The following NIPAL3 variants were observed in gnomAD, a reference collection of about 807,000 sequenced individuals.
NIPAL3 encodes NIPA-like protein 3.
A neutral mutation model predicts 47.2 loss-of-function variants in NIPAL3; 41 were observed. The ratio of observed to expected loss-of-function variants is 0.87; its 90% CI spans 0.68 to 1.13. NIPAL3 has a LOEUF of 1.13. NIPAL3 is among the 50% of genes most tolerant of loss of function. The pLI, the probability that NIPAL3 is intolerant of heterozygous loss-of-function variation, is 0.00. For synonymous variants in NIPAL3, 194 were observed against 209.6 expected, an observed-to-expected ratio of 0.93 and a Z score of 0.64; for missense variants, 449 against 530.1, an observed-to-expected ratio of 0.85 and a Z score of 1.50.
rs774216768 is a variant in NIPAL3, at chr1:24,472,685, T to A, written c.*3500T>A. The A allele has an allele frequency of 6.6e-6, 1 of 152,146 alleles. No homozygotes were observed. The highest frequency in any genetic ancestry group is 1.5e-5 in the Non-Finnish European group (1 of 68,016). The allele number at this position is 152,146 out of a possible 1,614,324, so 9.4% of individuals were successfully genotyped here. A position where few individuals can be genotyped will look rare whatever the true frequency, so the allele number is the denominator to read the frequency against. On this transcript the variant is annotated 3_prime_UTR_variant, in exon 12 of 12. Coordinates refer to ENST00000374399, the MANE Select transcript of NIPAL3 (RefSeq NM_020448.5). The stretch of plus-strand genomic sequence containing the variant: ...GCTTTTCTAGTGGAAACCAGCCAGT[T>A]TGACGGCACGGTGCGGATACAGGAC...
In NIPAL3 at chr1:24,445,288, G is replaced by A. The variant is rs377434875; in HGVS notation, c.394+44G>A. On this transcript the variant is annotated intron_variant, in intron 5 of 11. Coordinates refer to ENST00000374399, the MANE Select transcript of NIPAL3 (RefSeq NM_020448.5). ...GCTGTGTCCTTGATTTTATATGAAC[G>A]CTTTTTATTAATTGTAAAACCAGTT... 2.9e-5 allele frequency: 39 copies of A among 1,351,478 alleles called. 1 individual carries two copies. The East Asian group carries it at 3.2e-4, about 11-fold the overall frequency. 83.7% of individuals were successfully genotyped at this position (1,351,478 alleles called of 1,614,324 possible).
chr1:24,462,892 G>A (rs1646535854), intron 10 of NIPAL3, among the ~76,000 whole-genome samples: 2 of 152,220 alleles, frequency 1.3e-5, no homozygotes, highest in Admixed American at 1.3e-4. Flanking sequence ...GAGATCAGGA[G>A]TTCGAGACCA....
At chr1:24,421,922 C>G (rs1275552027) in intron 2 of NIPAL3, 1 of 152,248 alleles carries the variant, frequency 6.6e-6, no homozygotes, top group Non-Finnish European at 1.5e-5. Context: ...AGAACCCATG[C>G]TCCTAACTGC....
Position 24,451,924 on chromosome 1 carries a change from C to T in NIPAL3, c.541-1484C>T, listed in dbSNP as rs1645955880. The stretch of plus-strand genomic sequence containing the variant: ...CAAAATCGTGCATTGACTATAATGA[C>T]AACTCGTTAAAATATGGATTCACTG... On this transcript the variant is annotated intron_variant, in intron 6 of 11. Coordinates refer to ENST00000374399, the MANE Select transcript of NIPAL3 (RefSeq NM_020448.5). The surrounding 1 kb of genome is among the most constrained non-coding windows in gnomAD (Gnocchi z 4.5). 2.6e-5 allele frequency among the ~76,000 whole-genome samples: 4 copies of T among 152,232 alleles called. No individual in the cohort carries two copies. In the South Asian group the frequency reaches 8.3e-4, roughly 32 times the overall value.
intron 4 of NIPAL3, among the ~76,000 whole-genome samples, chr1:24,443,757 T>G (rs1348492426): frequency 6.6e-6 from 1 of 152,234 alleles, no homozygotes; most frequent in Non-Finnish European, 1.5e-5. Flanking sequence ...GTAATTTGAA[T>G]GTCTTTAGCT....
Position 24,449,513 on chromosome 1 carries a change from T to A in NIPAL3, c.427T>A (p.Leu143Met). 2 of 1,614,004 alleles carry A rather than the reference T, an allele frequency of 1.2e-6. No individual in the cohort carries two copies. The highest frequency in any genetic ancestry group is 8.5e-7 in the Non-Finnish European group (1 of 1,180,032). ...CGTCTTGTCCTTTGTTGGCTGCGGTTTGGCTGTCGTGGGTACCTACCTGCT... is the reference window on the plus strand; with the variant it reads ...CGTCTTGTCCTTTGTTGGCTGCGGTATGGCTGTCGTGGGTACCTACCTGCT... ...RYVLSFVGCG[L>M]AVVGTYLLVT... is the part of the protein sequence containing the mutation. Residue 143 changes from leucine (L) to methionine (M), a missense_variant, in exon 6 of 12, where the codon TTG becomes ATG. Physicochemically the swap from Leu to Met is conservative, Grantham distance 15. Coordinates refer to ENST00000374399, the MANE Select transcript of NIPAL3 (RefSeq NM_020448.5). The surrounding 1 kb of genome is among the most constrained non-coding windows in gnomAD (Gnocchi z 4.5).
intron 2 of NIPAL3, among the ~76,000 whole-genome samples, chr1:24,424,764 G>T (rs190225482): frequency 1.3e-5 from 2 of 152,316 alleles, no homozygotes; most frequent in African/African-American, 4.8e-5. Context: ...GGTCCAGTCG[G>T]TGATGGCCAG....
intron 8 of NIPAL3, among the ~76,000 whole-genome samples, 172 bp downstream of exon 8, chr1:24,456,445 C>G (rs1646218148): frequency 6.6e-6 from 1 of 152,138 alleles, no homozygotes; most frequent in Non-Finnish European, 1.5e-5. Context: ...TGGAGGGACA[C>G]CTGCCACTCA....
chr1:24,435,699 C>A (rs886255156), intron 2 of NIPAL3, among the ~76,000 whole-genome samples: 5 of 152,164 alleles, frequency 3.3e-5, no homozygotes, highest in Admixed American at 2.6e-4. Context: ...TTTTCTGCAT[C>A]AAAGGTAGAA....
In NIPAL3 at chr1:24,442,256, G is replaced by C. The variant is rs1645431552; in HGVS notation, c.334+30G>C. The C allele has an allele frequency of 1.9e-6, 3 of 1,605,604 alleles. No individual in the cohort carries two copies. In the East Asian group the frequency reaches 6.7e-5, roughly 36 times the overall value. On this transcript the variant is annotated intron_variant, in intron 4 of 11. Coordinates refer to ENST00000374399, the MANE Select transcript of NIPAL3 (RefSeq NM_020448.5). Reference sequence around the variant, plus strand: ...GACCAGGGCTGCCCCACCCTCCCCTGGGGTGCTCCCAGCTGCGTGACCAGA... The same window carrying C: ...GACCAGGGCTGCCCCACCCTCCCCTCGGGTGCTCCCAGCTGCGTGACCAGA...
chr1:24,416,466 C>A lies in NIPAL3; in HGVS notation c.-258+562C>A. On this transcript the variant is annotated intron_variant, in intron 1 of 11. Coordinates refer to ENST00000374399, the MANE Select transcript of NIPAL3 (RefSeq NM_020448.5). The surrounding 1 kb of genome is among the most constrained non-coding windows in gnomAD (Gnocchi z 4.8). ...TGATTTGTTCAGAAAGAGGCAAATT[C>A]GAATACAGACGCTATGAGCCACGGC... The A allele has an allele frequency of 2.8e-6, 1 of 357,244 alleles. No homozygotes were observed. Among genetic ancestry groups the A allele is most frequent in the Non-Finnish European group, 3.9e-6 (1 of 256,056 alleles). The allele number at this position is 357,244 out of a possible 1,614,324, so 22.1% of individuals were successfully genotyped here.
chr1:24,445,154 A>G (rs1171122710), intron 4 of NIPAL3, 31 bp from the exon 5 acceptor site: 1 of 1,554,082 alleles, frequency 6.4e-7, no homozygotes, highest in Admixed American at 1.7e-5. Flanking sequence ...CAGCAGCCTC[A>G]ATTCCCTTTT....
chr1:24,421,712 G>A (rs1437509114), intron 2 of NIPAL3: 1 of 152,216 alleles, frequency 6.6e-6, no homozygotes, highest in Non-Finnish European at 1.5e-5. Flanking sequence ...TGGTGGTGAG[G>A]ATGAAATGAA....
At chr1:24,431,368 C>T (rs1392197455) in intron 2 of NIPAL3, among the ~76,000 whole-genome samples, 5 of 151,984 alleles carry the variant, frequency 3.3e-5, no homozygotes, top group African/African-American at 7.3e-5. Context: ...AATGAGAAAG[C>T]GGAACATACG....
At chr1:24,433,553 G>A (rs2148785911) in intron 2 of NIPAL3, among the ~76,000 whole-genome samples, 2 of 152,322 alleles carry the variant, frequency 1.3e-5, no homozygotes, top group East Asian at 3.9e-4. Context: ...TGTGCCCAGA[G>A]TAAATTCCTC....
intron 2 of NIPAL3, among the ~76,000 whole-genome samples, chr1:24,428,258 AAGAGAGAG>A (rs56082168): frequency 0.063 from 7,471 of 119,504 alleles, 463 homozygotes; most frequent in African/African-American, 0.16. Flanking sequence ...CTCAAAAAGA[AAGAGAGAG>A]AGAGAGAGAG....
In NIPAL3 at chr1:24,442,181, G is replaced by A. The variant is rs558350262; in HGVS notation, c.289G>A (p.Ala97Thr). Residue 97 changes from alanine to threonine, a missense_variant, in exon 4 of 12, where the codon GCG (alanine) becomes ACG (threonine). Transcript: ENST00000374399. ...GGGTGTGTTCGCCTCCTACGCCTTC[G>A]CGCCGCTGTCACTCATCGTGCCCCT... ...ELGVFASYAF[A>T]PLSLIVPLSA... The A allele has an allele frequency of 2.2e-5, 35 of 1,614,094 alleles. 1 individual carries two copies. Among genetic ancestry groups the A allele is most frequent in the South Asian group, 5.5e-5 (5 of 91,078 alleles).
intron 11 of NIPAL3, chr1:24,466,165 A>ACTCTCAGCCAGGCC (rs1646690337): frequency 1.2e-5 from 17 of 1,428,168 alleles, no homozygotes; most frequent in Non-Finnish European, 1.5e-5. Flanking sequence ...CTAGCCTGGC[A>ACTCTCAGCCAGGCC]CTCTCAGCCA....
Position 24,454,680 on chromosome 1 carries a change from C to A in NIPAL3, c.637+1176C>A. ...AATCTAATTTTAGAACATTTTGTCA[C>A]CCCCAAAAGAAACCCTGTGCCCATT... On this transcript the variant is annotated intron_variant, in intron 7 of 11. Transcript: ENST00000374399. The surrounding 1 kb of genome is among the most constrained non-coding windows in gnomAD (Gnocchi z 4.1). 1 of 519,426 alleles carries A rather than the reference C, an allele frequency of 1.9e-6. No homozygotes were observed. Among genetic ancestry groups the A allele is most frequent in the Non-Finnish European group, 2.5e-6 (1 of 404,372 alleles). The allele number at this position is 519,426 out of a possible 1,614,324, so 32.2% of individuals were successfully genotyped here.
Sources: allele counts gnomAD v4.1 joint callset (sites outside exome capture counted in the v4.1 genomes callset), GRCh38; gene constraint gnomAD v4.1.1; non-coding constraint Gnocchi (gnomAD v3.1); transcripts MANE v1.5; gene names NCBI Gene and HGNC (gene_info 2026-07-23, HGNC 2026-07-21).